The following RIN3 variants were observed in gnomAD, a reference collection of about 807,000 sequenced individuals.
RIN3 encodes the protein Ras and Rab interactor 3.
RIN3 carries 54 observed loss-of-function variants against 76.3 expected under a neutral mutation model. The observed-to-expected ratio is 0.71, with a 90% CI of 0.57 to 0.89. The LOEUF is 0.89. Among genes scored for constraint, RIN3 ranks in the 40% least tolerant of loss-of-function variants. The probability of loss-of-function intolerance (pLI) is 0.00; values close to 1 mark genes in which losing one functional copy is unlikely to be tolerated. For synonymous variants in RIN3, 576 were observed against 564.0 expected (o/e 1.02, Z -0.30); for missense variants, 1,256 against 1,322.1 (o/e 0.95, Z 0.78).
At chr14:92,525,312 TG>T in intron 1 of RIN3, among the ~76,000 whole-genome samples, 1 of 152,266 alleles carries the variant, frequency 6.6e-6, no homozygotes, top group East Asian at 1.9e-4. Context: ...CCCACTAGAC[TG>T]TAAGCTCCCA....
intron 4 of RIN3, among the ~76,000 whole-genome samples, chr14:92,618,615 C>A (rs1045281671): frequency 6.6e-6 from 1 of 152,164 alleles, no homozygotes; most frequent in Non-Finnish European, 1.5e-5. Flanking sequence ...CATGGGAAAG[C>A]TTTTATACAA....
chr14:92,515,304 A>G (rs1472198761), intron 1 of RIN3: 3 of 696,050 alleles, frequency 4.3e-6, no homozygotes, highest in Non-Finnish European at 7.9e-6. Flanking sequence ...TGCCACACCC[A>G]AGATGGCAGG....
chr14:92,544,023 C>T (rs923158153), intron 1 of RIN3, among the ~76,000 whole-genome samples: 1 of 152,256 alleles, frequency 6.6e-6, no homozygotes, highest in African/African-American at 2.4e-5. Context: ...CTCCCCACCC[C>T]CCCATCTCAT....
intron 4 of RIN3, among the ~76,000 whole-genome samples, chr14:92,629,079 T>C (rs2140117899): frequency 6.6e-6 from 1 of 152,076 alleles, no homozygotes; most frequent in Non-Finnish European, 1.5e-5. Flanking sequence ...CTTTCGTATT[T>C]AGGCGCTGCC....
At chr14:92,598,441 A>T (rs76725931) in intron 3 of RIN3, among the ~76,000 whole-genome samples, 7,426 of 152,336 alleles carry the variant, frequency 0.049, 246 homozygotes, top group Non-Finnish European at 0.072. Context: ...TGACCCACAA[A>T]TTGTGAGCTA....
chr14:92,516,364 T>C (rs1896442663), intron 1 of RIN3, among the ~76,000 whole-genome samples: 1 of 152,088 alleles, frequency 6.6e-6, no homozygotes, highest in Admixed American at 6.6e-5. Flanking sequence ...AGGAGCCCCT[T>C]AACCACTCCA....
chr14:92,688,271 C>G lies in RIN3; in HGVS notation c.*19C>G, dbSNP rs748688645. 3 of 1,537,162 alleles carry G rather than the reference C, an allele frequency of 2.0e-6. No homozygotes were observed. The highest frequency in any genetic ancestry group is 2.6e-6 in the Non-Finnish European group (3 of 1,143,366). Reference sequence around the variant, plus strand: ...CCTGTGAGGCCCTCCCGGGGCGCCTCCCCTCACCCCCAGGCGCACGTCTGG... The same window carrying G: ...CCTGTGAGGCCCTCCCGGGGCGCCTGCCCTCACCCCCAGGCGCACGTCTGG... On this transcript the variant is annotated 3_prime_UTR_variant, in exon 10 of 10. Coordinates refer to ENST00000216487, the MANE Select transcript of RIN3 (RefSeq NM_024832.5).
At chr14:92,521,608 C>T (rs187510954) in intron 1 of RIN3, among the ~76,000 whole-genome samples, 9 of 152,278 alleles carry the variant, frequency 5.9e-5, no homozygotes, top group Admixed American at 4.6e-4. Context: ...TACCTGCTCC[C>T]CCTTCCCCTT....
In RIN3 at chr14:92,600,360, C is replaced by T. The variant is rs112993163; in HGVS notation, c.368-15047C>T. Among the ~76,000 whole-genome samples the T allele has an allele frequency of 4.1e-4, 62 of 152,272 alleles. 1 individual carries two copies. Among genetic ancestry groups the T allele is most frequent in the African/African-American group, 1.4e-3 (58 of 41,540 alleles). ...TGCTCCCCGGAGCTGCAGGCTTCCCCGTCCCAAGAGCTGGGGCTGCCCCAG... is the reference window on the plus strand; with the variant it reads ...TGCTCCCCGGAGCTGCAGGCTTCCCTGTCCCAAGAGCTGGGGCTGCCCCAG... On this transcript the variant is annotated intron_variant, in intron 3 of 9. Transcript: ENST00000216487.
chr14:92,533,497 G>A (rs1470508459), intron 1 of RIN3, among the ~76,000 whole-genome samples: 1 of 152,202 alleles, frequency 6.6e-6, no homozygotes, highest in Non-Finnish European at 1.5e-5. Context: ...TAAAGAAATT[G>A]TGGTCTCTCT....
intron 3 of RIN3, among the ~76,000 whole-genome samples, chr14:92,578,909 T>C (rs1458422405): frequency 6.6e-6 from 1 of 152,138 alleles, no homozygotes; most frequent in African/African-American, 2.4e-5. Flanking sequence ...TCCTGAGCCA[T>C]AATTTCTTTT....
At chr14:92,613,611 T>A (rs1011385271) in intron 3 of RIN3, among the ~76,000 whole-genome samples, 1 of 152,190 alleles carries the variant, frequency 6.6e-6, no homozygotes, top group African/African-American at 2.4e-5. Context: ...AGTGCAGTCC[T>A]GGGCTTTGAA....
chr14:92,538,740 C>G (rs1216508121), intron 1 of RIN3, among the ~76,000 whole-genome samples: 1 of 152,212 alleles, frequency 6.6e-6, no homozygotes, highest in Non-Finnish European at 1.5e-5. Flanking sequence ...TATGAATGCT[C>G]TTAAGGGAAA....
chr14:92,556,602 G>T (rs180826949), intron 2 of RIN3, among the ~76,000 whole-genome samples: 1 of 49,956 alleles, frequency 2.0e-5, no homozygotes, highest in Non-Finnish European at 4.2e-5. Flanking sequence ...ATGGATGGAC[G>T]TATGGACATA....
intron 5 of RIN3, among the ~76,000 whole-genome samples, chr14:92,646,522 C>T (rs1242054230): frequency 6.6e-6 from 1 of 152,232 alleles, no homozygotes; most frequent in Admixed American, 6.5e-5. Flanking sequence ...GCTACCTCTG[C>T]CTCCCAGGTT....
In RIN3 at chr14:92,651,574, T is replaced by C. The variant is rs1887422753; in HGVS notation, c.533-8T>C. The C allele has an allele frequency of 2.9e-6, 4 of 1,369,826 alleles. No homozygotes were observed. The Admixed American group carries it at 7.9e-5, about 27-fold the overall frequency. The allele number at this position is 1,369,826 out of a possible 1,614,324, so 84.9% of individuals were successfully genotyped here. The stretch of plus-strand genomic sequence containing the variant: ...GACTGACCCCCTGCCCCTCTCTTGC[T>C]TCCACAGGTTTCTGGGACTCCTCGC... On this transcript the variant is annotated splice_polypyrimidine_tract_variant and splice_region_variant and intron_variant, in intron 5 of 9. Transcript: ENST00000216487.
chr14:92,538,826 A>T (rs1897068877), intron 1 of RIN3, among the ~76,000 whole-genome samples: 1 of 152,086 alleles, frequency 6.6e-6, no homozygotes, highest in Non-Finnish European at 1.5e-5. Flanking sequence ...CAAATTCCAA[A>T]GGTACAAAAG....
chr14:92,664,871 T>C (rs1888030951), intron 7 of RIN3, among the ~76,000 whole-genome samples: 1 of 152,240 alleles, frequency 6.6e-6, no homozygotes, highest in South Asian at 2.1e-4. Flanking sequence ...CATTTTTGTC[T>C]AAACTTTCAG....
At chr14:92,615,932 G>C (rs1885941012) in intron 4 of RIN3, 1 of 159,604 alleles carries the variant, frequency 6.3e-6, no homozygotes, top group African/African-American at 2.4e-5. Context: ...TTCAGAACTG[G>C]TTTTGGGTCA....
Sources: gnomAD v4.1 joint callset for allele counts (sites outside exome capture counted in the v4.1 genomes callset) on GRCh38, gnomAD v4.1.1 for gene constraint, MANE v1.5 for transcripts, NCBI Gene and HGNC (gene_info 2026-07-23, HGNC 2026-07-21) for gene names.